CHCHD6: variants seen among roughly 807,000 people sequenced by gnomAD.
CHCHD6 encodes the protein coiled-coil-helix-coiled-coil-helix domain containing 6, also known as MICOS complex subunit MIC25.
In CHCHD6, 28 loss-of-function variants were observed where a neutral mutation model predicts 32.3. The ratio of observed to expected loss-of-function variants is 0.87; its 90% CI spans 0.64 to 1.19. The LOEUF (loss-of-function observed/expected upper bound fraction) is 1.19, where lower values mean the gene tolerates loss of function less well. Among genes scored for constraint, CHCHD6 ranks in the 50% most tolerant of loss-of-function variants. The pLI, the probability that CHCHD6 is intolerant of heterozygous loss-of-function variation, is 0.00. For synonymous variants in CHCHD6, 122 were observed against 117.5 expected (o/e 1.04, Z -0.25); for missense variants, 333 against 307.0 (o/e 1.08, Z -0.63).
At chr3:126,807,274 G>A (rs901646898) in intron 4 of CHCHD6, among the ~76,000 whole-genome samples, 8 of 151,712 alleles carry the variant, frequency 5.3e-5, no homozygotes, top group Non-Finnish European at 1.2e-4. Context: ...AGGAACTCAG[G>A]GAACAGATAA....
chr3:126,846,696 T>C (rs1941307449), intron 4 of CHCHD6, among the ~76,000 whole-genome samples: 1 of 152,252 alleles, frequency 6.6e-6, no homozygotes, highest in Non-Finnish European at 1.5e-5. Context: ...TACCTTTTTC[T>C]ACTAGGTTCT....
intron 4 of CHCHD6, among the ~76,000 whole-genome samples, chr3:126,768,449 G>A (rs533547358): frequency 6.6e-6 from 1 of 152,240 alleles, no homozygotes; most frequent in South Asian, 2.1e-4. Flanking sequence ...GCAGAACTGC[G>A]AGCCAGTTAA....
chr3:126,915,902 T>G (rs1326939222), intron 6 of CHCHD6, among the ~76,000 whole-genome samples: 1 of 152,110 alleles, frequency 6.6e-6, no homozygotes, highest in African/African-American at 2.4e-5. Flanking sequence ...GTGATCCTCC[T>G]ACCTCAGACT....
intron 4 of CHCHD6, among the ~76,000 whole-genome samples, chr3:126,815,650 C>CCG (rs1939861240): frequency 6.7e-6 from 1 of 150,350 alleles, no homozygotes; most frequent in African/African-American, 2.4e-5. Context: ...CTTGCCCCCC[C>CCG]CCCCCCATCT....
chr3:126,902,246 G>A (rs748449357), intron 5 of CHCHD6, among the ~76,000 whole-genome samples: 1 of 152,228 alleles, frequency 6.6e-6, no homozygotes, highest in Non-Finnish European at 1.5e-5. Flanking sequence ...GGCAAAACGT[G>A]TAACAGTGGC....
chr3:126,925,037 A>G (rs915725136), intron 6 of CHCHD6, among the ~76,000 whole-genome samples: 2 of 152,236 alleles, frequency 1.3e-5, no homozygotes, highest in African/African-American at 4.8e-5. Context: ...AGCAGTCAGT[A>G]TAGCTTTTGT....
chr3:126,862,705 A>C (rs1466039137), intron 5 of CHCHD6, among the ~76,000 whole-genome samples: 3 of 68,750 alleles, frequency 4.4e-5, no homozygotes, highest in Admixed American at 1.6e-4. Context: ...CACCATCACC[A>C]CCTCCTCCTC....
At chr3:126,728,573 C>G (rs1935645499) in intron 2 of CHCHD6, among the ~76,000 whole-genome samples, 1 of 152,208 alleles carries the variant, frequency 6.6e-6, no homozygotes. Flanking sequence ...TAATAGGGCT[C>G]ACTTACTCCC....
chr3:126,945,517 GA>G (rs2078623187), intron 6 of CHCHD6, among the ~76,000 whole-genome samples: 1 of 149,526 alleles, frequency 6.7e-6, no homozygotes, highest in Admixed American at 6.6e-5. Context: ...GGAGACTTGG[GA>G]GGGGGGAGAC....
At chr3:126,755,976 T>C (rs1936942047) in intron 4 of CHCHD6, among the ~76,000 whole-genome samples, 1 of 152,104 alleles carries the variant, frequency 6.6e-6, no homozygotes, top group Non-Finnish European at 1.5e-5. Context: ...TGACCCTTTT[T>C]GCAGATGACT....
intron 4 of CHCHD6, among the ~76,000 whole-genome samples, chr3:126,753,781 G>A (rs905850330): frequency 2.6e-5 from 4 of 152,324 alleles, no homozygotes; most frequent in East Asian, 1.9e-4. Flanking sequence ...GCTCCAGCAC[G>A]AGTCTGGGTG....
At chr3:126,741,880 G>T (rs1936300909) in intron 4 of CHCHD6, among the ~76,000 whole-genome samples, 1 of 152,160 alleles carries the variant, frequency 6.6e-6, no homozygotes, top group Admixed American at 6.5e-5. Flanking sequence ...AGGCCAGGAG[G>T]CTGTACTGTT....
intron 6 of CHCHD6, among the ~76,000 whole-genome samples, chr3:126,918,702 T>A (rs1431773721): frequency 2.0e-5 from 3 of 152,006 alleles, no homozygotes; most frequent in African/African-American, 7.3e-5. Context: ...GAGTAATGAA[T>A]GAGAAGAGAG....
chr3:126,841,219 T>G (rs1325631575), intron 4 of CHCHD6, among the ~76,000 whole-genome samples: 1 of 152,238 alleles, frequency 6.6e-6, no homozygotes, highest in Non-Finnish European at 1.5e-5. Context: ...ACAAAGGACA[T>G]GAACTCATCA....
At chr3:126,800,493 C>T (rs1208406942) in intron 4 of CHCHD6, among the ~76,000 whole-genome samples, 1 of 152,124 alleles carries the variant, frequency 6.6e-6, no homozygotes, top group Non-Finnish European at 1.5e-5. Context: ...GGGAGCAGGC[C>T]CCTCTGAAAG....
intron 1 of CHCHD6, among the ~76,000 whole-genome samples, chr3:126,723,260 G>A (rs932674121): frequency 2.6e-5 from 4 of 151,860 alleles, no homozygotes; most frequent in Non-Finnish European, 5.9e-5. Flanking sequence ...ACAATCTTTT[G>A]TTACTAAGGA....
At chr3:126,907,092 G>A (rs1200366081) in intron 5 of CHCHD6, among the ~76,000 whole-genome samples, 2 of 152,168 alleles carry the variant, frequency 1.3e-5, no homozygotes, top group African/African-American at 4.8e-5. Context: ...GGAATTCAGG[G>A]GTAACAGGTA....
intron 1 of CHCHD6, among the ~76,000 whole-genome samples, chr3:126,719,959 C>T (rs184961476): frequency 1.3e-5 from 2 of 152,254 alleles, no homozygotes; most frequent in East Asian, 3.9e-4. Flanking sequence ...CAGCTTACTG[C>T]AACCTCCACC....
intron 5 of CHCHD6, among the ~76,000 whole-genome samples, chr3:126,891,895 G>A (rs1000128477): frequency 1.4e-4 from 22 of 152,238 alleles, no homozygotes; most frequent in Admixed American, 3.9e-4. Flanking sequence ...CCAGAGCTGC[G>A]ACGGTGGCCC....
Sources: allele counts gnomAD v4.1 joint callset (sites outside exome capture counted in the v4.1 genomes callset), GRCh38; gene constraint gnomAD v4.1.1; transcripts MANE v1.5; gene names NCBI Gene and HGNC (gene_info 2026-07-23, HGNC 2026-07-21).